The following ABTB2 variants were observed in gnomAD, a reference collection of about 807,000 sequenced individuals.
ABTB2 encodes ankyrin repeat and BTB domain containing 2.
In ABTB2, 56 loss-of-function variants were observed where a neutral mutation model predicts 104.1. The ratio of observed to expected loss-of-function variants is 0.54; its 90% CI spans 0.43 to 0.67. ABTB2 has a LOEUF of 0.67. Among genes scored for constraint, ABTB2 ranks in the 30% least tolerant of loss-of-function variants. The probability of loss-of-function intolerance (pLI) is 0.00; values close to 1 mark genes in which losing one functional copy is unlikely to be tolerated. For missense variants in ABTB2, 1,279 were observed against 1,407.7 expected, an observed-to-expected ratio of 0.91 and a Z score of 1.46; for synonymous variants, 606 against 608.2, an observed-to-expected ratio of 1.00 and a Z score of 0.05.
intron 1 of ABTB2, among the ~76,000 whole-genome samples, chr11:34,306,917 T>C (rs1441334652): frequency 7.0e-6 from 1 of 142,416 alleles, no homozygotes; most frequent in Non-Finnish European, 1.5e-5. Context: ...TGGACTGAAG[T>C]GAAGCTTGCT....
intron 1 of ABTB2, among the ~76,000 whole-genome samples, chr11:34,323,590 C>G (rs1855031239): frequency 6.6e-6 from 1 of 152,098 alleles, no homozygotes; most frequent in South Asian, 2.1e-4. Context: ...GTTTCCTCCC[C>G]CTTCATAGTC....
intron 1 of ABTB2, among the ~76,000 whole-genome samples, chr11:34,243,659 C>A (rs1853949528): frequency 6.6e-6 from 1 of 152,202 alleles, no homozygotes; most frequent in Admixed American, 6.5e-5. Flanking sequence ...AATATTGATT[C>A]TCTTAACTTT....
intron 1 of ABTB2, among the ~76,000 whole-genome samples, chr11:34,273,875 G>A (rs866817002): frequency 2.6e-5 from 4 of 152,142 alleles, no homozygotes; most frequent in South Asian, 2.1e-4. Context: ...ATATTTGGCC[G>A]GGCGCGGTGG....
chr11:34,305,822 A>G (rs1179829288), intron 1 of ABTB2, among the ~76,000 whole-genome samples: 1 of 152,210 alleles, frequency 6.6e-6, no homozygotes, highest in East Asian at 1.9e-4. Context: ...TGAAAGTTGC[A>G]AACACATGGC....
chr11:34,264,643 T>C (rs377038764), intron 1 of ABTB2, among the ~76,000 whole-genome samples: 2 of 152,332 alleles, frequency 1.3e-5, no homozygotes, highest in African/African-American at 2.4e-5. Context: ...TCAAAGCCAA[T>C]ATAATAGTCA....
intron 1 of ABTB2, among the ~76,000 whole-genome samples, chr11:34,240,173 A>G (rs979559375): frequency 6.6e-6 from 1 of 152,182 alleles, no homozygotes; most frequent in African/African-American, 2.4e-5. Context: ...TTGTGTGTGC[A>G]TTCCCCCCAC....
chr11:34,272,733 C>CAAAAAAAAAAAAAAAA (rs1323130706), intron 1 of ABTB2, among the ~76,000 whole-genome samples: 1 of 127,654 alleles, frequency 7.8e-6, no homozygotes, highest in African/African-American at 3.0e-5. Context: ...AAAAAAAAAC[C>CAAAAAAAAAAAAAAAA]AACCAACCAT....
chr11:34,341,177 G>C (rs541106879), intron 1 of ABTB2, among the ~76,000 whole-genome samples: 14 of 152,150 alleles, frequency 9.2e-5, no homozygotes, highest in Non-Finnish European at 2.9e-5. Context: ...TGTTTAAATA[G>C]TCACATCATC....
chr11:34,197,684 G>A (rs919083369), intron 2 of ABTB2, 146 bp from the exon 3 acceptor site: 27 of 627,564 alleles, frequency 4.3e-5, no homozygotes, highest in Non-Finnish European at 6.8e-5. Flanking sequence ...CAGCCAACAG[G>A]CGGAGGTGGA....
intron 1 of ABTB2, among the ~76,000 whole-genome samples, chr11:34,207,372 C>A (rs1853422030): frequency 6.6e-6 from 1 of 151,928 alleles, no homozygotes. Context: ...ATAATAGTTC[C>A]CATTTTCTCA....
intron 1 of ABTB2, among the ~76,000 whole-genome samples, chr11:34,230,308 G>A (rs2957523): frequency 0.67 from 101,746 of 152,038 alleles, 34,194 homozygotes; most frequent in Middle Eastern, 0.79. Context: ...CCCAAACCAC[G>A]TTAAGTGGCA....
chr11:34,258,434 T>C (rs1854149421), intron 1 of ABTB2, among the ~76,000 whole-genome samples: 1 of 152,220 alleles, frequency 6.6e-6, no homozygotes, highest in African/African-American at 2.4e-5. Flanking sequence ...AATGACACAA[T>C]AGTAGACTGA....
chr11:34,335,962 T>C (rs367969693), intron 1 of ABTB2: 6 of 617,716 alleles, frequency 9.7e-6, no homozygotes, highest in South Asian at 5.9e-5. Flanking sequence ...TCCTGGGAGA[T>C]AGGAAAACAG....
At chr11:34,206,224 G>A (rs1853406104) in intron 1 of ABTB2, among the ~76,000 whole-genome samples, 1 of 152,018 alleles carries the variant, frequency 6.6e-6, no homozygotes, top group Non-Finnish European at 1.5e-5. Context: ...GCCAGGTGTG[G>A]TGGCTAGTTT....
At chr11:34,330,288 C>T (rs1855113337) in intron 1 of ABTB2, among the ~76,000 whole-genome samples, 1 of 151,792 alleles carries the variant, frequency 6.6e-6, no homozygotes, top group Admixed American at 6.6e-5. Flanking sequence ...GGTTCAAATC[C>T]CTAGTCTACC....
chr11:34,161,269 G>A (rs1590202553), intron 10 of ABTB2, among the ~76,000 whole-genome samples, 188 bp from the exon 11 acceptor site: 1 of 146,410 alleles, frequency 6.8e-6, no homozygotes, highest in Non-Finnish European at 1.5e-5. Flanking sequence ...TAGAATGAAA[G>A]CTTTAATTCA....
chr11:34,328,621 C>T (rs921425683), intron 1 of ABTB2, among the ~76,000 whole-genome samples: 2 of 152,218 alleles, frequency 1.3e-5, no homozygotes, highest in Middle Eastern at 3.2e-3. Context: ...GAGCAGAAAC[C>T]ACCTTTTTGT....
chr11:34,200,710 A>G (rs1853325497), intron 2 of ABTB2, among the ~76,000 whole-genome samples: 1 of 152,220 alleles, frequency 6.6e-6, no homozygotes, highest in East Asian at 1.9e-4. Context: ...AGGTCTTTCT[A>G]CTCTACAGAC....
Position 34,167,978 on chromosome 11 carries a change from C to T in ABTB2, c.1578G>A (p.Leu526=), listed in dbSNP as rs1463256244. ...NTMDDQGMTP[L]MYACAAGDEA... is the part of the protein sequence containing the mutation. The stretch of plus-strand genomic sequence containing the variant: ...CGTCCCCAGCAGCGCAGGCGTACAT[C>T]AGTGGCGTCATACCCTGAGCAAATC... The change falls in exon 6 of 17, where the codon CTG becomes CTA. Residue 526 remains leucine (L), a synonymous_variant. Coordinates refer to ENST00000435224, the MANE Select transcript of ABTB2 (RefSeq NM_145804.3). 2 of 1,614,048 alleles carry T rather than the reference C, an allele frequency of 1.2e-6. No homozygotes were observed. The highest frequency in any genetic ancestry group is 1.7e-6 in the Non-Finnish European group (2 of 1,180,026).
Sources: gnomAD v4.1 joint callset for allele counts (sites outside exome capture counted in the v4.1 genomes callset) on GRCh38, gnomAD v4.1.1 for gene constraint, MANE v1.5 for transcripts, NCBI Gene and HGNC (gene_info 2026-07-23, HGNC 2026-07-21) for gene names.